The following HS6ST3 variants were observed in gnomAD, a reference collection of about 807,000 sequenced individuals.
HS6ST3 encodes the protein heparan-sulfate 6-O-sulfotransferase 3.
A neutral mutation model predicts 36.7 loss-of-function variants in HS6ST3; 12 were observed. The ratio of observed to expected loss-of-function variants is 0.33; its 90% CI spans 0.21 to 0.53. HS6ST3 has a LOEUF of 0.53. Ranked by LOEUF, HS6ST3 falls within the 20% of genes least tolerant of loss-of-function variation. The pLI is 0.95. For synonymous variants in HS6ST3, 240 were observed against 257.5 expected, an observed-to-expected ratio of 0.93 and a Z score of 0.65; for missense variants, 584 against 640.9, an observed-to-expected ratio of 0.91 and a Z score of 0.96.
At chr13:96,751,256 G>A (rs1876692515) in intron 1 of HS6ST3, among the ~76,000 whole-genome samples, 1 of 152,118 alleles carries the variant, frequency 6.6e-6, no homozygotes, top group Non-Finnish European at 1.5e-5. Flanking sequence ...ATTGAAATGA[G>A]ATCATTCCAG....
intron 1 of HS6ST3, among the ~76,000 whole-genome samples, chr13:96,091,974 GA>G (rs780345932): frequency 1.3e-5 from 2 of 152,162 alleles, no homozygotes; most frequent in Non-Finnish European, 2.9e-5. Context: ...CCAAACCCAG[GA>G]AAAGGAAGGG....
At chr13:96,508,490 G>T (rs187689339) in intron 1 of HS6ST3, among the ~76,000 whole-genome samples, 77 of 152,030 alleles carry the variant, frequency 5.1e-4, no homozygotes, top group African/African-American at 1.7e-3. Context: ...AGTGTACATC[G>T]TACCTAATGT....
intron 1 of HS6ST3, among the ~76,000 whole-genome samples, chr13:96,509,913 A>G (rs904515065): frequency 6.6e-6 from 1 of 152,026 alleles, no homozygotes; most frequent in Non-Finnish European, 1.5e-5. Context: ...AATTGCATTT[A>G]ATCTGTAGAT....
intron 1 of HS6ST3, among the ~76,000 whole-genome samples, chr13:96,198,918 G>A (rs539838499): frequency 6.6e-6 from 1 of 152,226 alleles, no homozygotes; most frequent in East Asian, 1.9e-4. Flanking sequence ...TACTGTATTA[G>A]TCTGTTTTCA....
At chr13:96,832,447 T>TA (rs747469600) in intron 1 of HS6ST3, 43 bp from the exon 2 acceptor site, 38 of 1,413,464 alleles carry the variant, frequency 2.7e-5, no homozygotes, top group Non-Finnish European at 3.6e-5. Context: ...TACCTCCTGT[T>TA]AGAGTTGTCA....
intron 1 of HS6ST3, among the ~76,000 whole-genome samples, chr13:96,561,613 G>GA (rs1268087534): frequency 3.3e-5 from 5 of 151,968 alleles, no homozygotes; most frequent in African/African-American, 4.8e-5. Flanking sequence ...TATTGGATGG[G>GA]AAAAAACACT....
At chr13:96,231,192 T>A (rs761330849) in intron 1 of HS6ST3, among the ~76,000 whole-genome samples, 1 of 152,084 alleles carries the variant, frequency 6.6e-6, no homozygotes, top group Non-Finnish European at 1.5e-5. Context: ...CCTCCATCCT[T>A]ACTGTGCCTG....
intron 1 of HS6ST3, among the ~76,000 whole-genome samples, chr13:96,250,113 G>A (rs533910405): frequency 5.9e-5 from 9 of 152,126 alleles, no homozygotes; most frequent in East Asian, 1.9e-4. Flanking sequence ...ATATTTTACC[G>A]CAATAAATGA....
At chr13:96,455,860 G>A (rs573747708) in intron 1 of HS6ST3, among the ~76,000 whole-genome samples, 12 of 152,290 alleles carry the variant, frequency 7.9e-5, no homozygotes, top group Admixed American at 7.2e-4. Flanking sequence ...GAAACAGAAA[G>A]CCTGTGCTTT....
chr13:96,640,158 G>T (rs586555), intron 1 of HS6ST3, among the ~76,000 whole-genome samples: 146,979 of 152,056 alleles, frequency 0.97, 71,229 homozygotes, highest in East Asian at 1. Context: ...GCTTTCCACA[G>T]TGGCTGAACT....
chr13:96,828,070 T>A (rs545039135), intron 1 of HS6ST3, among the ~76,000 whole-genome samples: 37 of 152,260 alleles, frequency 2.4e-4, no homozygotes, highest in African/African-American at 8.7e-4. Flanking sequence ...TTTTGGGAAA[T>A]TTTCTGACAC....
chr13:96,302,578 C>A (rs2054889186), intron 1 of HS6ST3, among the ~76,000 whole-genome samples: 1 of 152,130 alleles, frequency 6.6e-6, no homozygotes, highest in African/African-American at 2.4e-5. Flanking sequence ...AAAACTATGA[C>A]ATTTATATAC....
chr13:96,141,759 CA>C (rs1164669943), intron 1 of HS6ST3, among the ~76,000 whole-genome samples: 2 of 152,048 alleles, frequency 1.3e-5, no homozygotes, highest in Admixed American at 6.6e-5. Context: ...GCCTTTAGAT[CA>C]GGGGGGTCTT....
At chr13:96,586,201 T>A (rs2056360671) in intron 1 of HS6ST3, among the ~76,000 whole-genome samples, 1 of 152,188 alleles carries the variant, frequency 6.6e-6, no homozygotes, top group African/African-American at 2.4e-5. Flanking sequence ...ATAATACTCA[T>A]TCTAACTGGA....
At chr13:96,635,504 T>G (rs563157480) in intron 1 of HS6ST3, among the ~76,000 whole-genome samples, 1 of 152,158 alleles carries the variant, frequency 6.6e-6, no homozygotes, top group African/African-American at 2.4e-5. Context: ...TCTGACAGTC[T>G]TCTCCCAATA....
intron 1 of HS6ST3, among the ~76,000 whole-genome samples, chr13:96,568,258 A>G (rs1434608481): frequency 6.6e-6 from 1 of 152,164 alleles, no homozygotes; most frequent in African/African-American, 2.4e-5. Context: ...AGCAAATACC[A>G]TCATTTGGCT....
At chr13:96,252,426 C>T (rs2054611927) in intron 1 of HS6ST3, among the ~76,000 whole-genome samples, 1 of 152,188 alleles carries the variant, frequency 6.6e-6, no homozygotes. Flanking sequence ...GATTCCCTCT[C>T]TCCATGCCTC....
chr13:96,574,880 G>A (rs934031704), intron 1 of HS6ST3, among the ~76,000 whole-genome samples: 2 of 152,134 alleles, frequency 1.3e-5, no homozygotes, highest in African/African-American at 4.8e-5. Context: ...CCCTGCAGCT[G>A]CCCCAGATCA....
At chr13:96,097,256 A>G (rs1652795507) in intron 1 of HS6ST3, among the ~76,000 whole-genome samples, 1 of 152,146 alleles carries the variant, frequency 6.6e-6, no homozygotes, top group African/African-American at 2.4e-5. Context: ...TTAGCTGCCA[A>G]CAATGTGGAT....
Sources: gnomAD v4.1 joint callset for allele counts (sites outside exome capture counted in the v4.1 genomes callset) on GRCh38, gnomAD v4.1.1 for gene constraint, MANE v1.5 for transcripts, NCBI Gene and HGNC (gene_info 2026-07-23, HGNC 2026-07-21) for gene names.